Variants in MAGI1 observed in about 807,000 individuals in gnomAD.
The protein encoded by MAGI1 is membrane associated guanylate kinase, WW and PDZ domain containing 1, also known as membrane-associated guanylate kinase, WW and PDZ domain-containing protein 1.
Under a neutral mutation model 139.9 loss-of-function variants are expected in MAGI1, and 58 were observed. The ratio of observed to expected loss-of-function variants is 0.41; its 90% CI spans 0.34 to 0.52. MAGI1 has a LOEUF of 0.52. Ranked by LOEUF, MAGI1 falls within the 20% of genes least tolerant of loss-of-function variation. MAGI1 has a pLI of 0.12. For missense variants in MAGI1, 1,874 were observed against 1,901.6 expected (o/e 0.99, Z 0.27); for synonymous variants, 812 against 737.9 (o/e 1.10, Z -1.63).
intron 1 of MAGI1, among the ~76,000 whole-genome samples, chr3:65,839,305 C>A (rs1291311197): frequency 6.6e-6 from 1 of 152,172 alleles, no homozygotes; most frequent in Admixed American, 6.5e-5. Context: ...ACAGCACACA[C>A]AATTATGTAC....
intron 1 of MAGI1, among the ~76,000 whole-genome samples, chr3:65,725,711 C>G (rs542312154): frequency 2.0e-4 from 31 of 152,150 alleles, no homozygotes; most frequent in Non-Finnish European, 2.8e-4. Context: ...TTCACTCTGC[C>G]AGATCCTGGA....
intron 1 of MAGI1, among the ~76,000 whole-genome samples, chr3:65,891,367 G>A (rs1199089818): frequency 6.6e-6 from 1 of 152,068 alleles, no homozygotes; most frequent in Non-Finnish European, 1.5e-5. Flanking sequence ...TTACAAATCT[G>A]GTAATATGCC....
chr3:66,034,438 A>G (rs1273906344), intron 1 of MAGI1, among the ~76,000 whole-genome samples: 1 of 152,238 alleles, frequency 6.6e-6, no homozygotes, highest in Non-Finnish European at 1.5e-5. Flanking sequence ...ACTGAAAAAG[A>G]GAATGCCCAC....
intron 4 of MAGI1, among the ~76,000 whole-genome samples, chr3:65,475,774 G>A (rs1420787441): frequency 3.3e-5 from 5 of 151,962 alleles, no homozygotes; most frequent in African/African-American, 1.2e-4. Flanking sequence ...AATGACTGCA[G>A]AAAGGAGGGG....
Position 65,957,930 on chromosome 3 carries a change from A to G in MAGI1, c.313+80066T>C, listed in dbSNP as rs377445005. The stretch of plus-strand genomic sequence containing the variant: ...ATTACATGCATGCAGCACCACGCGC[A>G]GCTAATTTTGTAGAAAGGGGGTTTC... On this transcript the variant is annotated intron_variant, in intron 1 of 22. Transcript: ENST00000402939. Among the ~76,000 whole-genome samples the G allele has an allele frequency of 1.4e-4, 22 of 151,886 alleles. No individual in the cohort carries two copies. The East Asian group carries it at 3.1e-3, about 21-fold the overall frequency.
rs139637919 is a variant in MAGI1, at chr3:65,995,792, G to A, written c.313+42204C>T. Among the ~76,000 whole-genome samples, 5 of 152,160 alleles carry A rather than the reference G, an allele frequency of 3.3e-5. No homozygotes were observed. The East Asian group carries it at 9.6e-4, about 29-fold the overall frequency. On this transcript the variant is annotated intron_variant, in intron 1 of 22. Coordinates refer to ENST00000402939, the MANE Select transcript of MAGI1 (RefSeq NM_001033057.2). ...TCCTCCTCAACAGCTATCTAAGTCT[G>A]TTCTCTGGGAATCCTGTGAATATTT... is the stretch of plus-strand genomic sequence containing the variant.
chr3:65,885,667 C>T (rs747967532), intron 1 of MAGI1, among the ~76,000 whole-genome samples: 4 of 152,038 alleles, frequency 2.6e-5, no homozygotes, highest in East Asian at 3.9e-4. Flanking sequence ...GGGCAGTTCC[C>T]CTGCACACGC....
chr3:65,464,072 A>T (rs1356721607), intron 5 of MAGI1, among the ~76,000 whole-genome samples: 1 of 152,092 alleles, frequency 6.6e-6, no homozygotes, highest in Non-Finnish European at 1.5e-5. Context: ...ATCTTGAATG[A>T]CTTTAGGGTC....
At chr3:65,869,269 A>C (rs1040829647) in intron 1 of MAGI1, among the ~76,000 whole-genome samples, 10 of 151,346 alleles carry the variant, frequency 6.6e-5, no homozygotes, top group Non-Finnish European at 1.3e-4. Flanking sequence ...AAAAAAAAAA[A>C]AACAACAACT....
At chr3:65,374,362 G>A (rs1448306144) in intron 18 of MAGI1, among the ~76,000 whole-genome samples, 1 of 123,558 alleles carries the variant, frequency 8.1e-6, no homozygotes, top group Non-Finnish European at 1.6e-5. Context: ...CTGTTGCCCA[G>A]GCTGGAGTGC....
chr3:65,809,480 T>C (rs1023957678), intron 1 of MAGI1, among the ~76,000 whole-genome samples: 3 of 152,014 alleles, frequency 2.0e-5, no homozygotes, highest in Admixed American at 1.3e-4. Flanking sequence ...CCAAGAAAGG[T>C]GACAGAGAAG....
At chr3:65,614,017 A>G (rs2083249647) in intron 2 of MAGI1, among the ~76,000 whole-genome samples, 1 of 152,152 alleles carries the variant, frequency 6.6e-6, no homozygotes, top group Admixed American at 6.5e-5. Context: ...ACTTCTTCTA[A>G]ACATCAGTAA....
intron 2 of MAGI1, among the ~76,000 whole-genome samples, chr3:65,543,682 A>C (rs558020952): frequency 1.4e-4 from 21 of 152,188 alleles, no homozygotes; most frequent in African/African-American, 4.6e-4. Flanking sequence ...ATTCTCACTC[A>C]TAAGTGGGAG....
At chr3:66,007,043 G>C (rs1046878258) in intron 1 of MAGI1, among the ~76,000 whole-genome samples, 1 of 151,656 alleles carries the variant, frequency 6.6e-6, no homozygotes, top group Non-Finnish European at 1.5e-5. Flanking sequence ...GTCCCACTTC[G>C]TTGCCTAGGC....
chr3:65,936,855 CT>C (rs1379326152), intron 1 of MAGI1, among the ~76,000 whole-genome samples: 2 of 152,026 alleles, frequency 1.3e-5, no homozygotes, highest in Non-Finnish European at 2.9e-5. Flanking sequence ...CCTCAGCCTC[CT>C]GAGTAGCTGG....
intron 1 of MAGI1, among the ~76,000 whole-genome samples, chr3:65,974,438 C>A (rs1037608446): frequency 9.6e-6 from 1 of 103,892 alleles, no homozygotes. Flanking sequence ...TGGATGGATG[C>A]ATGGATTAAC....
chr3:65,538,619 T>C (rs1455429802), intron 2 of MAGI1, among the ~76,000 whole-genome samples: 3 of 152,132 alleles, frequency 2.0e-5, no homozygotes, highest in African/African-American at 7.2e-5. Context: ...GTAATTGAGC[T>C]GAAAAATTAA....
intron 1 of MAGI1, among the ~76,000 whole-genome samples, chr3:65,776,006 C>T (rs1271055766): frequency 6.7e-6 from 1 of 150,352 alleles, no homozygotes; most frequent in East Asian, 2.0e-4. Context: ...AAAACAAAAA[C>T]ATTAAACAAA....
chr3:65,665,249 T>C (rs1399492214), intron 1 of MAGI1, among the ~76,000 whole-genome samples: 1 of 152,178 alleles, frequency 6.6e-6, no homozygotes, highest in Admixed American at 6.5e-5. Context: ...TAGCTGTGAA[T>C]TCGGTGTTAA....
Sources: gnomAD v4.1 joint callset for allele counts (sites outside exome capture counted in the v4.1 genomes callset) on GRCh38, gnomAD v4.1.1 for gene constraint, MANE v1.5 for transcripts, NCBI Gene and HGNC (gene_info 2026-07-23, HGNC 2026-07-21) for gene names.